SEMA3C: variants seen among roughly 807,000 people sequenced by gnomAD.
The protein encoded by SEMA3C is semaphorin 3C.
In SEMA3C, 47 loss-of-function variants were observed where a neutral mutation model predicts 89.4. The observed-to-expected ratio is 0.53, with a 90% CI of 0.42 to 0.67. The LOEUF (loss-of-function observed/expected upper bound fraction) is 0.67. Among genes scored for constraint, SEMA3C ranks in the 30% least tolerant of loss-of-function variants. The pLI is 0.00. For missense variants in SEMA3C, 839 were observed against 929.1 expected (o/e 0.90, Z 1.26); for synonymous variants, 310 against 320.2 (o/e 0.97, Z 0.34).
chr7:80,800,642 C>T, intron 10 of SEMA3C, 115 bp downstream of exon 10: 1 of 633,708 alleles, frequency 1.6e-6, no homozygotes, highest in Non-Finnish European at 2.7e-6. Flanking sequence ...GGAAGGATTA[C>T]ATCCCAAATG....
In SEMA3C at chr7:80,789,340, A is replaced by C. The variant is rs760938808; in HGVS notation, c.1320T>G (p.Ala440=). The change falls in exon 12 of 18, where the codon GCT becomes GCG. Residue 440 remains alanine, a synonymous_variant. Coordinates refer to ENST00000265361, the MANE Select transcript of SEMA3C (RefSeq NM_006379.5). ...GAAACAGGACATGGTATCTCCCATC[A>C]GCAGCGTTCACTCGATCCACAGCTA... ...TKIAVDRVNA[A]DGRYHVLFLG... is the part of the protein sequence containing the mutation. The C allele has an allele frequency of 3.1e-6, 5 of 1,614,014 alleles. No homozygotes were observed. In the South Asian group the frequency reaches 5.5e-5, roughly 18 times the overall value.
At chr7:80,751,515 GA>G (rs200049072) in intron 15 of SEMA3C, among the ~76,000 whole-genome samples, 179 bp from the exon 16 acceptor site, 24,609 of 148,250 alleles carry the variant, frequency 0.17, 2,255 homozygotes, top group East Asian at 0.41. Context: ...TATCAATAAT[GA>G]GGGGGGGTAC....
intron 2 of SEMA3C, among the ~76,000 whole-genome samples, chr7:80,841,485 T>C (rs1478250563): frequency 6.6e-6 from 1 of 152,136 alleles, no homozygotes; most frequent in Non-Finnish European, 1.5e-5. Flanking sequence ...GTAATTTACA[T>C]ATATTCTTAT....
intron 5 of SEMA3C, among the ~76,000 whole-genome samples, chr7:80,814,331 GC>G (rs1165361370): frequency 6.6e-6 from 1 of 151,908 alleles, no homozygotes; most frequent in Non-Finnish European, 1.5e-5. Context: ...GTCATGATCT[GC>G]CCGCCTCGGC....
chr7:80,782,603 G>A (rs1788715568), intron 12 of SEMA3C, among the ~76,000 whole-genome samples: 2 of 152,096 alleles, frequency 1.3e-5, no homozygotes, highest in African/African-American at 4.8e-5. Flanking sequence ...TTTATATTCT[G>A]GTTGTATTAT....
At chr7:80,792,912 A>T (rs1293934126) in intron 11 of SEMA3C, among the ~76,000 whole-genome samples, 1 of 152,210 alleles carries the variant, frequency 6.6e-6, no homozygotes, top group African/African-American at 2.4e-5. Flanking sequence ...CATACTGCCA[A>T]GAATAAATCA....
chr7:80,835,910 G>A (rs373055409), intron 2 of SEMA3C, among the ~76,000 whole-genome samples: 2 of 152,276 alleles, frequency 1.3e-5, no homozygotes, highest in East Asian at 3.9e-4. Context: ...GACTAAAAGA[G>A]GCAAGATTTC....
intron 16 of SEMA3C, among the ~76,000 whole-genome samples, chr7:80,750,501 C>CAT (rs1219025812): frequency 0.11 from 14,562 of 135,938 alleles, 1,043 homozygotes; most frequent in East Asian, 0.18. Context: ...CACACACACA[C>CAT]ATACACACAC....
intron 2 of SEMA3C, among the ~76,000 whole-genome samples, chr7:80,882,953 C>A (rs189152306): frequency 2.0e-5 from 3 of 152,056 alleles, no homozygotes; most frequent in East Asian, 3.9e-4. Flanking sequence ...ATAACAACAA[C>A]AACAACAACA....
rs745769274 is a variant in SEMA3C, at chr7:80,916,849, A to G, written c.-38-30T>C. On this transcript the variant is annotated intron_variant, in intron 1 of 17. Coordinates refer to ENST00000265361, the MANE Select transcript of SEMA3C (RefSeq NM_006379.5). The stretch of plus-strand genomic sequence containing the variant: ...AAGAGAGAGACAACATGTTTGTTAT[A>G]TCTCATTTCACATTTTAGGAGTAGG... 6 of 1,586,266 alleles carry G rather than the reference A, an allele frequency of 3.8e-6. No individual in the cohort carries two copies. The African/African-American group carries it at 4.0e-5, about 11-fold the overall frequency.
intron 11 of SEMA3C, among the ~76,000 whole-genome samples, chr7:80,795,896 A>G (rs1789052885): frequency 6.6e-6 from 1 of 152,192 alleles, no homozygotes; most frequent in South Asian, 2.1e-4. Context: ...TAATGTTCTT[A>G]ATTGAGAAGA....
chr7:80,806,844 T>C (rs1789352828), intron 6 of SEMA3C, among the ~76,000 whole-genome samples: 2 of 152,132 alleles, frequency 1.3e-5, no homozygotes, highest in Non-Finnish European at 2.9e-5. Flanking sequence ...GATTGGAACA[T>C]TTCAAAGTAC....
intron 16 of SEMA3C, 84 bp from the exon 17 acceptor site, chr7:80,749,112 CAT>C: frequency 1.5e-6 from 2 of 1,334,178 alleles, no homozygotes; most frequent in South Asian, 1.7e-5. Context: ...ATGCTATATA[CAT>C]GTTTATTTTT....
chr7:80,820,491 AT>A (rs1226726156), intron 4 of SEMA3C, among the ~76,000 whole-genome samples: 1 of 146,110 alleles, frequency 6.8e-6, no homozygotes, highest in Non-Finnish European at 1.5e-5. Flanking sequence ...TTCCTTTTAT[AT>A]TCATTATTAC....
intron 2 of SEMA3C, among the ~76,000 whole-genome samples, chr7:80,909,734 T>A (rs574793132): frequency 1.3e-5 from 2 of 152,256 alleles, no homozygotes; most frequent in East Asian, 3.9e-4. Context: ...AGCTCTTGAT[T>A]ACAAGAGCAG....
At chr7:80,880,343 C>T (rs774232966) in intron 2 of SEMA3C, among the ~76,000 whole-genome samples, 5 of 152,122 alleles carry the variant, frequency 3.3e-5, no homozygotes, top group East Asian at 1.9e-4. Flanking sequence ...TCTCCTTCCA[C>T]AAGAATATAA....
intron 3 of SEMA3C, among the ~76,000 whole-genome samples, chr7:80,828,060 T>C (rs1279877430): frequency 6.6e-6 from 1 of 152,150 alleles, no homozygotes; most frequent in East Asian, 1.9e-4. Context: ...GTCAGTCCAT[T>C]GCCTGTGTTA....
chr7:80,785,300 A>T (rs1273300060), intron 12 of SEMA3C, among the ~76,000 whole-genome samples: 1 of 152,220 alleles, frequency 6.6e-6, no homozygotes, highest in African/African-American at 2.4e-5. Context: ...CATTCCAATG[A>T]ACTGTCACAT....
chr7:80,791,741 G>C (rs979214087), intron 11 of SEMA3C, among the ~76,000 whole-genome samples: 2 of 152,112 alleles, frequency 1.3e-5, no homozygotes, highest in Non-Finnish European at 2.9e-5. Flanking sequence ...AGTAAAAAAA[G>C]AACAGCAACA....
Sources: gnomAD v4.1 joint callset for allele counts (sites outside exome capture counted in the v4.1 genomes callset) on GRCh38, gnomAD v4.1.1 for gene constraint, MANE v1.5 for transcripts, NCBI Gene and HGNC (gene_info 2026-07-23, HGNC 2026-07-21) for gene names.